TSPAN9: variants seen among roughly 807,000 people sequenced by gnomAD.
TSPAN9 encodes the protein tetraspanin-9.
TSPAN9 carries 16 observed loss-of-function variants against 31.0 expected under a neutral mutation model. The observed-to-expected ratio is 0.52, with a 90% confidence interval of 0.35 to 0.78. The LOEUF is 0.78. Among genes scored for constraint, TSPAN9 ranks in the 30% least tolerant of loss-of-function variants. The pLI is 0.01. For synonymous variants in TSPAN9, 145 were observed against 121.6 expected (o/e 1.19, Z -1.27); for missense variants, 272 against 312.5 (o/e 0.87, Z 0.98).
intron 2 of TSPAN9, among the ~76,000 whole-genome samples, chr12:3,183,140 G>C (rs1280208880): frequency 6.6e-6 from 1 of 152,216 alleles, no homozygotes; most frequent in East Asian, 1.9e-4. Context: ...GGCTTCTGGA[G>C]GGGTGGGGGC....
intron 2 of TSPAN9, among the ~76,000 whole-genome samples, chr12:3,133,104 C>T (rs1321882833): frequency 6.6e-6 from 1 of 152,178 alleles, no homozygotes; most frequent in Non-Finnish European, 1.5e-5. Flanking sequence ...AAGACTGTCC[C>T]TCGGTGAAGG....
intron 3 of TSPAN9, among the ~76,000 whole-genome samples, chr12:3,242,303 G>A (rs1487543330): frequency 6.6e-6 from 1 of 152,338 alleles, no homozygotes; most frequent in African/African-American, 2.4e-5. Flanking sequence ...TCTGCCACCC[G>A]CCCTGCTCTA....
At chr12:3,184,423 AAG>A (rs1008467336) in intron 2 of TSPAN9, among the ~76,000 whole-genome samples, 3 of 151,732 alleles carry the variant, frequency 2.0e-5, no homozygotes, top group Non-Finnish European at 4.4e-5. Context: ...AAGAAAGAGA[AAG>A]AGAGAGAGAG....
At chr12:3,257,557 A>T (rs1862371296) in intron 3 of TSPAN9, among the ~76,000 whole-genome samples, 1 of 151,762 alleles carries the variant, frequency 6.6e-6, no homozygotes, top group Non-Finnish European at 1.5e-5. Flanking sequence ...AACTGACTGA[A>T]ACCTGCTGAG....
At chr12:3,139,420 G>C (rs2098333695) in intron 2 of TSPAN9, among the ~76,000 whole-genome samples, 1 of 152,130 alleles carries the variant, frequency 6.6e-6, no homozygotes, top group African/African-American at 2.4e-5. Flanking sequence ...CCCCTGCCGT[G>C]CAGTGGAGGG....
intron 3 of TSPAN9, among the ~76,000 whole-genome samples, chr12:3,271,844 G>A (rs1342012479): frequency 2.6e-5 from 4 of 152,170 alleles, no homozygotes; most frequent in Non-Finnish European, 4.4e-5. Flanking sequence ...ACAAAGCAGC[G>A]GCTGCGCTCC....
intron 5 of TSPAN9, among the ~76,000 whole-genome samples, chr12:3,279,680 C>T (rs1385034379): frequency 6.6e-6 from 1 of 152,226 alleles, no homozygotes; most frequent in African/African-American, 2.4e-5. Flanking sequence ...TGGTACCATG[C>T]ACTCCAGAAC....
intron 3 of TSPAN9, among the ~76,000 whole-genome samples, chr12:3,236,913 A>G (rs921812729): frequency 6.6e-5 from 10 of 152,180 alleles, no homozygotes; most frequent in African/African-American, 1.9e-4. Flanking sequence ...CATTTGAGCA[A>G]TGTCATACAG....
chr12:3,211,726 G>T (rs1406565457), intron 3 of TSPAN9: 2 of 1,596,912 alleles, frequency 1.3e-6, no homozygotes, highest in Non-Finnish European at 1.7e-6. Flanking sequence ...CTGTAGGCTG[G>T]CAGAGGACAG....
intron 3 of TSPAN9, among the ~76,000 whole-genome samples, chr12:3,223,776 T>TGGC (rs2098385777): frequency 6.6e-6 from 1 of 152,178 alleles, no homozygotes; most frequent in African/African-American, 2.4e-5. Flanking sequence ...AATTCAGCCG[T>TGGC]GGCGGCGGCA....
chr12:3,197,343 C>T (rs376432162), intron 2 of TSPAN9, among the ~76,000 whole-genome samples: 12 of 152,320 alleles, frequency 7.9e-5, no homozygotes, highest in African/African-American at 2.9e-4. Flanking sequence ...AGGCATTAGC[C>T]ATGCCAGTCA....
In TSPAN9 at chr12:3,170,269, A is replaced by G. The variant is rs1037878850; in HGVS notation, c.-17-30908A>G. On this transcript the variant is annotated intron_variant, in intron 2 of 8. Coordinates refer to ENST00000011898, the MANE Select transcript of TSPAN9 (RefSeq NM_006675.5). The surrounding 1 kb of genome is among the most constrained non-coding windows in gnomAD (Gnocchi z 4.4). ...GGAATATTCTGCACTGATCCCTGCC[A>G]GGGCTCAGTATTTTCCTTCCTTTTC... 1.3e-5 allele frequency among the ~76,000 whole-genome samples: 2 copies of G among 152,150 alleles called. No homozygotes were observed. The highest frequency in any genetic ancestry group is 4.8e-5 in the African/African-American group (2 of 41,428).
At chr12:3,255,625 T>C (rs1401181398) in intron 3 of TSPAN9, among the ~76,000 whole-genome samples, 1 of 152,202 alleles carries the variant, frequency 6.6e-6, no homozygotes, top group Non-Finnish European at 1.5e-5. Flanking sequence ...TCTTTCTTGT[T>C]TGGTGTCATA....
intron 4 of TSPAN9, 97 bp downstream of exon 4, chr12:3,278,709 G>A (rs561380037): frequency 2.7e-6 from 4 of 1,479,306 alleles, no homozygotes; most frequent in African/African-American, 2.8e-5. Context: ...CCACCTGGGT[G>A]TCCAACCTGA....
chr12:3,174,419 C>T (rs1402369169), intron 2 of TSPAN9, among the ~76,000 whole-genome samples: 1 of 152,128 alleles, frequency 6.6e-6, no homozygotes, highest in East Asian at 1.9e-4. Context: ...AGATTTCCTT[C>T]CAATTCTAAC....
intron 3 of TSPAN9, among the ~76,000 whole-genome samples, chr12:3,251,074 C>T (rs11062592): frequency 0.067 from 10,193 of 152,248 alleles, 877 homozygotes; most frequent in East Asian, 0.36. Flanking sequence ...TGATCTAGTA[C>T]TACCCTCTCC....
At chr12:3,217,413 A>G (rs2098381929) in intron 3 of TSPAN9, among the ~76,000 whole-genome samples, 1 of 152,090 alleles carries the variant, frequency 6.6e-6, no homozygotes. Flanking sequence ...GATCCTGCCC[A>G]GTGTTGCTGG....
intron 3 of TSPAN9, among the ~76,000 whole-genome samples, chr12:3,264,718 C>A (rs1206709480): frequency 1.3e-5 from 2 of 152,238 alleles, no homozygotes; most frequent in African/African-American, 4.8e-5. Context: ...TATAAATACT[C>A]ATAATGGCTT....
At chr12:3,248,229 C>T (rs1276791423) in intron 3 of TSPAN9, among the ~76,000 whole-genome samples, 2 of 152,128 alleles carry the variant, frequency 1.3e-5, no homozygotes, top group East Asian at 3.9e-4. Context: ...TGTGGCCCCC[C>T]TAGGCACACT....
Sources: gnomAD v4.1 joint callset for allele counts (sites outside exome capture counted in the v4.1 genomes callset) on GRCh38, gnomAD v4.1.1 for gene constraint, Gnocchi (gnomAD v3.1) non-coding constraint, MANE v1.5 for transcripts, NCBI Gene and HGNC (gene_info 2026-07-23, HGNC 2026-07-21) for gene names.